Variants in CDH15 observed in about 807,000 individuals in gnomAD.
The protein encoded by CDH15 is cadherin 15.
In CDH15, 73 loss-of-function variants were observed where a neutral mutation model predicts 69.4. The ratio of observed to expected loss-of-function variants is 1.05; its 90% CI spans 0.87 to 1.28. CDH15 has a LOEUF of 1.28. Ranked by LOEUF, CDH15 falls within the 50% of genes most tolerant of loss-of-function variation. CDH15 has a pLI of 0.00. For missense variants in CDH15, 1,343 were observed against 1,133.6 expected (o/e 1.18, Z -2.65); for synonymous variants, 624 against 507.7 (o/e 1.23, Z -3.08).
chr16:89,176,445 G>A (rs935330312), intron 1 of CDH15, among the ~76,000 whole-genome samples: 5 of 152,194 alleles, frequency 3.3e-5, no homozygotes, highest in African/African-American at 9.7e-5. Context: ...ATTTCATGGG[G>A]CCCCACCCTG....
At chr16:89,188,477 C>G (rs534870268) in intron 7 of CDH15, among the ~76,000 whole-genome samples, 192 bp downstream of exon 7, 1 of 140,210 alleles carries the variant, frequency 7.1e-6, no homozygotes, top group African/African-American at 2.6e-5. Context: ...TGCCCACACA[C>G]AGATGCCGGC....
intron 7 of CDH15, among the ~76,000 whole-genome samples, chr16:89,189,003 ATGCCCACACACAGG>A (rs1438631446): frequency 5.0e-5 from 7 of 139,990 alleles, no homozygotes; most frequent in African/African-American, 1.6e-4. Context: ...CCACACACAG[ATGCCCACACACAGG>A]TGCCCACACA....
In CDH15 at chr16:89,193,983, C is replaced by T. The variant is rs546927064; in HGVS notation, c.2151+70C>T. 8.6e-6 allele frequency: 13 copies of T among 1,507,236 alleles called. No homozygotes were observed. The East Asian group carries it at 2.3e-4, about 27-fold the overall frequency. The allele number at this position is 1,507,236 out of a possible 1,614,324, so 93.4% of individuals were successfully genotyped here. A position where few individuals can be genotyped will look rare whatever the true frequency, so the allele number is the denominator to read the frequency against. ...GTGCACACACACATGCACATGTACA[C>T]ACCTGCACATGCATGCAAGAACCGG... is the stretch of plus-strand genomic sequence containing the variant. On this transcript the variant is annotated intron_variant, in intron 13 of 13. Coordinates refer to ENST00000289746, the MANE Select transcript of CDH15 (RefSeq NM_004933.3).
chr16:89,180,415 C>T (rs1915351010), intron 3 of CDH15, 60 bp downstream of exon 3: 2 of 1,555,250 alleles, frequency 1.3e-6, no homozygotes, highest in Non-Finnish European at 1.8e-6. Context: ...AAGCCAGTGC[C>T]CCTCCTCCCC....
chr16:89,185,422 G>A, intron 5 of CDH15, 89 bp downstream of exon 5: 1 of 1,405,396 alleles, frequency 7.1e-7, no homozygotes, highest in Non-Finnish European at 9.7e-7. Flanking sequence ...GCCCACCCCA[G>A]ACGCTCCTGT....
chr16:89,178,778 C>G (rs1048337116), intron 1 of CDH15, among the ~76,000 whole-genome samples: 9 of 152,232 alleles, frequency 5.9e-5, no homozygotes, highest in African/African-American at 2.2e-4. Context: ...CTCTCGCATC[C>G]CGGGGTTCAG....
chr16:89,183,641 G>C lies in CDH15; in HGVS notation c.451G>C (p.Ala151Pro), dbSNP rs1201140872. Reference protein sequence around the residue: ...VVVDQNDNRPAFLQEAFTGRV... With the variant: ...VVVDQNDNRPPFLQEAFTGRV... ...TGTGGATCAGAATGACAACCGGCCA[G>C]CCTTCCTGCAGGAGGCGTTCACTGG... Residue 151 changes from alanine (A) to proline (P), a missense_variant, in exon 4 of 14, where the codon GCC becomes CCC. Physicochemically the swap from Ala to Pro is conservative, Grantham distance 27. Transcript: ENST00000289746. The C allele has an allele frequency of 1.2e-6, 2 of 1,613,762 alleles. No individual in the cohort carries two copies. Among genetic ancestry groups the C allele is most frequent in the East Asian group, 4.5e-5 (2 of 44,888 alleles).
At chr16:89,190,581 G>A in intron 8 of CDH15, 85 bp downstream of exon 8, 2 of 1,505,394 alleles carry the variant, frequency 1.3e-6, no homozygotes, top group South Asian at 1.2e-5. Flanking sequence ...TGGGCTCTGA[G>A]GGTCAGAGGG....
At chr16:89,190,643 C>G in intron 8 of CDH15, 147 bp downstream of exon 8, 1 of 1,040,174 alleles carries the variant, frequency 9.6e-7, no homozygotes, top group Non-Finnish European at 1.4e-6. Flanking sequence ...GGTCTCGAGT[C>G]CCGAGCATGC....
In CDH15 at chr16:89,190,246, CT is replaced by C; in HGVS notation, c.983del (p.Leu328ArgfsTer57). On this transcript the variant is annotated frameshift_variant, in exon 8 of 14. Coordinates refer to ENST00000289746, the MANE Select transcript of CDH15 (RefSeq NM_004933.3). LOFTEE classifies it high-confidence loss of function. ...GGGCTGTGCTTCCTTCCCTCAGGCCCTGGACTATGAGAGCTGTGAACACTAC... is the reference window on the plus strand; with the variant it reads ...GGGCTGTGCTTCCTTCCCTCAGGCCCGGACTATGAGAGCTGTGAACACTAC... ...NEGVLSIVKA[L>X]DYESCEHYEL... 2.5e-6 allele frequency: 4 copies of C among 1,612,268 alleles called. No homozygotes were observed. The highest frequency in any genetic ancestry group is 3.4e-6 in the Non-Finnish European group (4 of 1,179,726).
chr16:89,190,187 C>T (rs960039355), intron 7 of CDH15, 56 bp from the exon 8 acceptor site: 2 of 1,590,810 alleles, frequency 1.3e-6, no homozygotes, highest in Non-Finnish European at 1.7e-6. Context: ...TGGCACCTGC[C>T]CTCGGGTGCC....
At chr16:89,194,170 C>A (rs931359159) in intron 13 of CDH15, among the ~76,000 whole-genome samples, 29 of 152,354 alleles carry the variant, frequency 1.9e-4, no homozygotes, top group Non-Finnish European at 3.2e-4. Flanking sequence ...CAGACCCATC[C>A]ACTGCCCCGT....
chr16:89,184,750 C>G (rs560805384), intron 4 of CDH15, among the ~76,000 whole-genome samples: 5 of 152,322 alleles, frequency 3.3e-5, no homozygotes, highest in Admixed American at 3.3e-4. Context: ...GCCCATGCAT[C>G]CTCTGTCACC....
chr16:89,192,031 C>A, intron 10 of CDH15, 137 bp downstream of exon 10: 2 of 1,157,508 alleles, frequency 1.7e-6, no homozygotes, highest in Non-Finnish European at 2.4e-6. Context: ...GCCACCCCCC[C>A]CACCACTGCA....
Position 89,194,910 on chromosome 16 carries a change from G to C in CDH15, c.2200G>C (p.Ala734Pro). ...CCCCAGTGTGCCGCCTTACGACACA[G>C]CCCTCATCTATGACTACGAGGGTGA... is the stretch of plus-strand genomic sequence containing the variant. ...SDPSVPPYDTALIYDYEGDGS... is the reference protein window; with the variant it reads ...SDPSVPPYDTPLIYDYEGDGS... The change falls in exon 14 of 14, where the codon GCC (alanine) becomes CCC (proline). Residue 734 changes from alanine to proline, a missense_variant. Physicochemically the swap from Ala to Pro is conservative, Grantham distance 27 (BLOSUM62 -1). Coordinates refer to ENST00000289746, the MANE Select transcript of CDH15 (RefSeq NM_004933.3). The C allele has an allele frequency of 6.2e-7, 1 of 1,608,018 alleles. No individual in the cohort carries two copies. The highest frequency in any genetic ancestry group is 8.5e-7 in the Non-Finnish European group (1 of 1,177,472).
chr16:89,172,265 G>T (rs60157326), intron 1 of CDH15, among the ~76,000 whole-genome samples: 8,653 of 152,140 alleles, frequency 0.057, 817 homozygotes, highest in African/African-American at 0.2. Flanking sequence ...CTGGGGGCCA[G>T]GTTTCTATAG....
chr16:89,177,189 G>A (rs926661192), intron 1 of CDH15, among the ~76,000 whole-genome samples: 3 of 151,976 alleles, frequency 2.0e-5, no homozygotes, highest in African/African-American at 2.4e-5. Context: ...GGTGGGGGGC[G>A]GGAAGGGCCT....
chr16:89,193,874 G>T lies in CDH15; in HGVS notation c.2112G>T (p.Leu704=). 1.2e-6 allele frequency: 2 copies of T among 1,612,032 alleles called. No homozygotes were observed. ...GRLHPQPPRV[L]PTSPLDIADF... ...TGCACCCCCAGCCACCCCGAGTGCT[G>T]CCCACCAGCCCCCTGGACATCGCCG... is the stretch of plus-strand genomic sequence containing the variant. The change falls in exon 13 of 14, where the codon CTG becomes CTT. Residue 704 remains leucine (L), a synonymous_variant. Transcript: ENST00000289746.
Position 89,180,271 on chromosome 16 carries a change from C to T in CDH15, c.273C>T (p.Pro91=). The T allele has an allele frequency of 1.2e-6, 2 of 1,610,142 alleles. No individual in the cohort carries two copies. The highest frequency in any genetic ancestry group is 1.3e-5 in the African/African-American group (1 of 74,926). The change falls in exon 3 of 14, where the codon CCC becomes CCT. Residue 91 remains proline (P), a synonymous_variant. Transcript: ENST00000289746. ...SIQGPGVDEE[P]RGVFSIDKFT... ...AGGGACCCGGCGTGGATGAGGAGCC[C>T]CGGGGCGTCTTCTCTATCGACAAGT...
Sources: gnomAD v4.1 joint callset for allele counts (sites outside exome capture counted in the v4.1 genomes callset) on GRCh38, gnomAD v4.1.1 for gene constraint, MANE v1.5 for transcripts, NCBI Gene and HGNC (gene_info 2026-07-23, HGNC 2026-07-21) for gene names.